The following CMC2 variants were observed in gnomAD, a reference collection of about 807,000 sequenced individuals.
CMC2 encodes COX assembly mitochondrial protein 2 homolog.
A neutral mutation model predicts 7.5 loss-of-function variants in CMC2; 5 were observed. That is an observed-to-expected ratio of 0.66 (90% CI 0.35 to 1.40). The LOEUF (loss-of-function observed/expected upper bound fraction) is 1.40. Ranked by LOEUF, CMC2 falls within the 40% of genes most tolerant of loss-of-function variation. The pLI is 0.04. For missense variants in CMC2, 115 were observed against 92.3 expected (o/e 1.25, Z -1.01); for synonymous variants, 37 against 31.4 (o/e 1.18, Z -0.60).
chr16:81,005,885 T>A (rs1197735972), intron 1 of CMC2, among the ~76,000 whole-genome samples: 2 of 152,332 alleles, frequency 1.3e-5, no homozygotes, highest in East Asian at 3.9e-4. Flanking sequence ...TTCTTGCCAA[T>A]GCACATGGTA....
intron 1 of CMC2, among the ~76,000 whole-genome samples, chr16:81,005,441 A>AT (rs1597289398): frequency 1.4e-5 from 2 of 139,248 alleles, no homozygotes; most frequent in African/African-American, 5.1e-5. Context: ...TATATATATA[A>AT]ATAAATAACA....
At position 80,974,543 on chromosome 16, in the gene CMC2, T is replaced by C. The variant is rs1484900365; in HGVS notation, c.*1550A>G. The C allele has an allele frequency of 6.6e-6, 1 of 150,544 alleles. No homozygotes were observed. The highest frequency in any genetic ancestry group is 6.6e-5 in the Admixed American group (1 of 15,258). The allele number at this position is 150,544 out of a possible 1,614,324, so 9.3% of individuals were successfully genotyped here. ...TCTAGTCATGCTAAATGCCTTAAAG[T>C]GCGCCTCAGAATGTATCCCATTTTC... On this transcript the variant is annotated 3_prime_UTR_variant, in exon 4 of 4. Transcript: ENST00000219400.
At chr16:80,988,553 CT>C in intron 2 of CMC2, 4 of 702,046 alleles carry the variant, frequency 5.7e-6, no homozygotes, top group South Asian at 4.4e-5. Context: ...TACACCCGAG[CT>C]TTTCTTCTGA....
At chr16:80,996,608 G>A (rs1405349696) in intron 2 of CMC2, among the ~76,000 whole-genome samples, 1 of 152,082 alleles carries the variant, frequency 6.6e-6, no homozygotes, top group African/African-American at 2.4e-5. Context: ...ACTCATTTAA[G>A]TGATACTTTA....
At chr16:80,995,860 T>C (rs1325654708) in intron 2 of CMC2, among the ~76,000 whole-genome samples, 2 of 152,196 alleles carry the variant, frequency 1.3e-5, no homozygotes, top group African/African-American at 2.4e-5. Flanking sequence ...GGTATCTATA[T>C]ATGACAAAAC....
At chr16:80,994,784 A>C (rs140490415) in intron 2 of CMC2, among the ~76,000 whole-genome samples, 19 of 152,342 alleles carry the variant, frequency 1.2e-4, no homozygotes, top group Admixed American at 1.2e-3. Flanking sequence ...TATACACTTA[A>C]CACATGACCT....
chr16:80,980,799 G>A, intron 3 of CMC2: 1 of 699,554 alleles, frequency 1.4e-6, no homozygotes, highest in Non-Finnish European at 2.6e-6. Context: ...GGAGGCTGAG[G>A]TGGGAGGATC....
chr16:80,988,119 G>C (rs1320236385), intron 2 of CMC2, among the ~76,000 whole-genome samples: 4 of 152,188 alleles, frequency 2.6e-5, no homozygotes. Context: ...AGGAGTTCAA[G>C]GCTGCTGTGA....
intron 2 of CMC2, chr16:80,991,754 C>T (rs1968011904): frequency 9.1e-6 from 3 of 330,226 alleles, no homozygotes; most frequent in African/African-American, 6.5e-5. Flanking sequence ...TGTACTTTAC[C>T]TCTGTGGTCT....
chr16:80,984,593 C>G (rs1490004574), intron 2 of CMC2, among the ~76,000 whole-genome samples: 1 of 151,924 alleles, frequency 6.6e-6, no homozygotes, highest in African/African-American at 2.4e-5. Context: ...TTACTTTTTT[C>G]TTTCCTCTAT....
rs528827057 is a variant in CMC2 at position 80,981,665 on chromosome 16, A to G, written c.153+141T>C. The G allele has an allele frequency of 2.2e-5, 12 of 554,896 alleles. No homozygotes were observed. In the South Asian group the frequency reaches 3.4e-4, roughly 16 times the overall value. The allele number at this position is 554,896 out of a possible 1,614,324, so 34.4% of individuals were successfully genotyped here. ...GAAAAGCTTTCATTTCTTCCCCTAA[A>G]CAGAGGAAGTTCATACATGTAAAGT... On this transcript the variant is annotated intron_variant, in intron 3 of 3. Coordinates refer to ENST00000219400, the MANE Select transcript of CMC2 (RefSeq NM_020188.5).
At position 80,981,843 on chromosome 16, in the gene CMC2, T is replaced by A; in HGVS notation, c.116A>T (p.Asp39Val). The A allele has an allele frequency of 6.2e-7, 1 of 1,611,110 alleles. No homozygotes were observed. Among genetic ancestry groups the A allele is most frequent in the Non-Finnish European group, 8.5e-7 (1 of 1,178,272 alleles). ...GCATTTTCTCAACTCCCGATCAACATCATTACAATAACCAAAAAATTTCAG... is the reference window on the plus strand; with the variant it reads ...GCATTTTCTCAACTCCCGATCAACAACATTACAATAACCAAAAAATTTCAG... ...NILKFFGYCN[D>V]VDRELRKCLK... Residue 39 changes from aspartate (D) to valine (V), a missense_variant, in exon 3 of 4, where the codon GAT becomes GTT. By Grantham distance (152) the Asp-to-Val change is radical. Transcript: ENST00000219400.
rs764919389 is a variant in CMC2 at position 80,981,922 on chromosome 16, C to G, written c.82-45G>C. ...TAAAATATTTCATCCCATAATATGCCAAGGTTTGGGGCACATAAAATTTAA... is the reference window on the plus strand; with the variant it reads ...TAAAATATTTCATCCCATAATATGCGAAGGTTTGGGGCACATAAAATTTAA... On this transcript the variant is annotated intron_variant, in intron 2 of 3. Transcript: ENST00000219400. 3.1e-6 allele frequency: 4 copies of G among 1,289,100 alleles called. No homozygotes were observed. In the Admixed American group the frequency reaches 5.3e-5, roughly 17 times the overall value. 79.9% of individuals were successfully genotyped at this position (1,289,100 alleles called of 1,614,324 possible).
In CMC2 at chr16:80,988,742, G is replaced by A. The variant is rs374454526; in HGVS notation, c.82-6865C>T. Reference sequence around the variant, plus strand: ...ATCATTCATGCAAAAGGCAAAAAAAGTTGGGTGGGTTTTTTTTCCCGATCC... The same window carrying A: ...ATCATTCATGCAAAAGGCAAAAAAAATTGGGTGGGTTTTTTTTCCCGATCC... On this transcript the variant is annotated intron_variant, in intron 2 of 3. Coordinates refer to ENST00000219400, the MANE Select transcript of CMC2 (RefSeq NM_020188.5). 1.8e-4 allele frequency: 97 copies of A among 526,430 alleles called. 1 individual carries two copies. The highest frequency in any genetic ancestry group is 1.6e-3 in the African/African-American group (81 of 50,670). 32.6% of individuals were successfully genotyped at this position (526,430 alleles called of 1,614,324 possible).
At chr16:80,977,630 C>T (rs758907981) in intron 3 of CMC2, among the ~76,000 whole-genome samples, 6 of 152,332 alleles carry the variant, frequency 3.9e-5, no homozygotes, top group Non-Finnish European at 7.3e-5. Context: ...CTTTGAGTTA[C>T]TTCACTCTTC....
At chr16:80,996,116 G>C (rs980908863) in intron 2 of CMC2, among the ~76,000 whole-genome samples, 3 of 152,078 alleles carry the variant, frequency 2.0e-5, no homozygotes, top group Non-Finnish European at 4.4e-5. Flanking sequence ...AGCAAGGGTT[G>C]AAAAACTCTG....
intron 3 of CMC2, among the ~76,000 whole-genome samples, chr16:80,977,889 T>A (rs1050152130): frequency 9.2e-5 from 14 of 152,102 alleles, no homozygotes; most frequent in African/African-American, 3.4e-4. Flanking sequence ...CTGGCCAACA[T>A]GGTGAAACCC....
In CMC2 at chr16:80,973,273, ACCCCCTG is replaced by A. The variant is rs1028361944; in HGVS notation, c.*2813_*2819del. On this transcript the variant is annotated 3_prime_UTR_variant, in exon 4 of 4. Transcript: ENST00000219400. The stretch of plus-strand genomic sequence containing the variant: ...CTCATATTAAGCCCCTCACCCCTTT[ACCCCCTG>A]CCCCATCAGCTGGGGCCCCACTCAA... 6.6e-6 allele frequency: 1 copy of A among 151,698 alleles called. No homozygotes were observed. Among genetic ancestry groups the A allele is most frequent in the Non-Finnish European group, 1.5e-5 (1 of 67,956 alleles). The allele number at this position is 151,698 out of a possible 1,614,324, so 9.4% of individuals were successfully genotyped here. A position where few individuals can be genotyped will look rare whatever the true frequency, so the allele number is the denominator to read the frequency against.
intron 2 of CMC2, chr16:80,992,029 G>C (rs1007932039): frequency 4.6e-6 from 2 of 433,878 alleles, no homozygotes; most frequent in Admixed American, 2.6e-5. Flanking sequence ...TTTAAATAAC[G>C]ATCATGTATC....
Sources: gnomAD v4.1 joint callset for allele counts (sites outside exome capture counted in the v4.1 genomes callset) on GRCh38, gnomAD v4.1.1 for gene constraint, MANE v1.5 for transcripts, NCBI Gene and HGNC (gene_info 2026-07-23, HGNC 2026-07-21) for gene names.